RBFOX1: variants seen among roughly 807,000 people sequenced by gnomAD.
RBFOX1 encodes RNA binding fox-1 homolog 1.
A neutral mutation model predicts 57.7 loss-of-function variants in RBFOX1; 8 were observed. That is an observed-to-expected ratio of 0.14 (90% CI 0.08 to 0.25). The LOEUF is 0.25. RBFOX1 is among the 10% of genes least tolerant of loss of function. RBFOX1 has a pLI of 1.00. For synonymous variants in RBFOX1, 326 were observed against 222.4 expected (o/e 1.47, Z -4.15); for missense variants, 611 against 548.5 (o/e 1.11, Z -1.14).
chr16:7,687,376 G>A (rs150333454), intron 14 of RBFOX1, among the ~76,000 whole-genome samples: 2 of 152,044 alleles, frequency 1.3e-5, no homozygotes, highest in African/African-American at 4.8e-5. Flanking sequence ...CTTCCAGACA[G>A]GCAAGTCCAA....
intron 14 of RBFOX1, among the ~76,000 whole-genome samples, chr16:7,707,270 G>A (rs1291286104): frequency 6.6e-6 from 1 of 152,134 alleles, no homozygotes; most frequent in Non-Finnish European, 1.5e-5. Flanking sequence ...CTAACTTGGA[G>A]TCTGAGAAGG....
chr16:7,129,184 C>T (rs1271845358), intron 4 of RBFOX1, among the ~76,000 whole-genome samples: 1 of 152,070 alleles, frequency 6.6e-6, no homozygotes, highest in Non-Finnish European at 1.5e-5. Flanking sequence ...AAGTCTGGCT[C>T]CAGAGTACAA....
chr16:7,680,389 T>C (rs2074426054), intron 14 of RBFOX1, among the ~76,000 whole-genome samples: 1 of 152,206 alleles, frequency 6.6e-6, no homozygotes, highest in Admixed American at 6.5e-5. Context: ...CAGACATTTG[T>C]CATGCTTGTC....
At chr16:5,796,597 C>T (rs1037772806) in intron 3 of RBFOX1, among the ~76,000 whole-genome samples, 2 of 152,212 alleles carry the variant, frequency 1.3e-5, no homozygotes, top group African/African-American at 2.4e-5. Context: ...ACAGCAATAG[C>T]AGCAGACCTT....
intron 4 of RBFOX1, among the ~76,000 whole-genome samples, chr16:7,072,431 C>A (rs762815217): frequency 2.0e-4 from 31 of 152,278 alleles, no homozygotes; most frequent in Middle Eastern, 3.4e-3. Context: ...AGATTGACTC[C>A]TCTTAAGGGT....
intron 4 of RBFOX1, among the ~76,000 whole-genome samples, chr16:7,067,600 A>T (rs1183944994): frequency 3.3e-5 from 5 of 151,854 alleles, no homozygotes; most frequent in Non-Finnish European, 5.9e-5. Flanking sequence ...TTAGTTACGT[A>T]TGTATACATG....
intron 2 of RBFOX1, among the ~76,000 whole-genome samples, chr16:6,396,235 A>T (rs2092829759): frequency 1.3e-5 from 2 of 152,112 alleles, no homozygotes; most frequent in African/African-American, 4.8e-5. Flanking sequence ...AAGTAGGCAG[A>T]AATTGAAGGG....
chr16:6,981,827 G>C (rs1464775445), intron 3 of RBFOX1, among the ~76,000 whole-genome samples: 1 of 152,058 alleles, frequency 6.6e-6, no homozygotes, highest in African/African-American at 2.4e-5. Flanking sequence ...TTGGGGTGGG[G>C]ACACAGCCAA....
chr16:7,139,176 C>CTCTGTGTGTGTG lies in RBFOX1; in HGVS notation c.27+87079_27+87080insCTGTGTGTGTGT, dbSNP rs372381673. On this transcript the variant is annotated intron_variant, in intron 4 of 15. Coordinates refer to ENST00000550418, the MANE Select transcript of RBFOX1 (RefSeq NM_018723.4). The stretch of plus-strand genomic sequence containing the variant: ...TAATGCAGATGAAATCAATCTCTCT[C>CTCTGTGTGTGTG]TGTGTGTGTGTGTGTGTGTGTATGT... Among the ~76,000 whole-genome samples, 289 of 145,902 alleles carry CTCTGTGTGTGTG rather than the reference C, an allele frequency of 2.0e-3. 2 individuals carry two copies. The highest frequency in any genetic ancestry group is 6.5e-3 in the African/African-American group (252 of 38,914).
chr16:6,749,464 G>A (rs1487702918), intron 3 of RBFOX1, among the ~76,000 whole-genome samples: 1 of 152,156 alleles, frequency 6.6e-6, no homozygotes, highest in Non-Finnish European at 1.5e-5. Flanking sequence ...ACCGTCCGGG[G>A]AGGTAGGACT....
chr16:7,445,242 G>T (rs1326523703), intron 4 of RBFOX1, among the ~76,000 whole-genome samples: 2 of 152,140 alleles, frequency 1.3e-5, no homozygotes, highest in Non-Finnish European at 2.9e-5. Flanking sequence ...AAAATGAACA[G>T]TGGAAAGAAA....
intron 3 of RBFOX1, among the ~76,000 whole-genome samples, chr16:6,819,449 A>G (rs2090831558): frequency 1.3e-5 from 2 of 152,156 alleles, no homozygotes; most frequent in African/African-American, 2.4e-5. Context: ...ATGGTGGCTG[A>G]GGCCAGTACT....
At chr16:5,663,951 C>G (rs902885726) in intron 3 of RBFOX1, among the ~76,000 whole-genome samples, 101 of 152,236 alleles carry the variant, frequency 6.6e-4, no homozygotes, top group Non-Finnish European at 1.5e-4. Context: ...AGGGACAAGC[C>G]AGCACTCGAG....
intron 2 of RBFOX1, among the ~76,000 whole-genome samples, chr16:6,382,221 C>A: frequency 6.6e-6 from 1 of 152,172 alleles, no homozygotes; most frequent in Non-Finnish European, 1.5e-5. Flanking sequence ...CCATTTTAGC[C>A]TGTGAGCCAT....
At chr16:5,743,885 T>C (rs1213088189) in intron 3 of RBFOX1, among the ~76,000 whole-genome samples, 1 of 152,180 alleles carries the variant, frequency 6.6e-6, no homozygotes, top group Non-Finnish European at 1.5e-5. Context: ...TTGTTAATGA[T>C]AGGCATGATG....
intron 3 of RBFOX1, among the ~76,000 whole-genome samples, chr16:5,808,165 G>C (rs1236585292): frequency 2.0e-5 from 3 of 152,172 alleles, no homozygotes; most frequent in Non-Finnish European, 4.4e-5. Context: ...GATAAAATGA[G>C]GCCGTTAGGA....
At chr16:6,758,076 G>A (rs1228871130) in intron 3 of RBFOX1, among the ~76,000 whole-genome samples, 1 of 152,060 alleles carries the variant, frequency 6.6e-6, no homozygotes. Flanking sequence ...CAATAAGAAG[G>A]ATCAGGACAC....
intron 1 of RBFOX1, among the ~76,000 whole-genome samples, chr16:6,079,709 A>T (rs1380527850): frequency 6.6e-6 from 1 of 152,104 alleles, no homozygotes; most frequent in East Asian, 1.9e-4. Context: ...GATGGCACAC[A>T]CTTGTGATCC....
At chr16:6,986,026 T>G (rs1047159587) in intron 3 of RBFOX1, among the ~76,000 whole-genome samples, 1 of 151,582 alleles carries the variant, frequency 6.6e-6, no homozygotes, top group African/African-American at 2.4e-5. Context: ...AAACTCACTT[T>G]AGAGAACCTG....
Sources: gnomAD v4.1 joint callset for allele counts (sites outside exome capture counted in the v4.1 genomes callset) on GRCh38, gnomAD v4.1.1 for gene constraint, MANE v1.5 for transcripts, NCBI Gene and HGNC (gene_info 2026-07-23, HGNC 2026-07-21) for gene names.